STK32B: variants seen among roughly 807,000 people sequenced by gnomAD.
The protein encoded by STK32B is serine/threonine-protein kinase 32B.
In STK32B, 43 loss-of-function variants were observed where a neutral mutation model predicts 52.6. The observed-to-expected ratio is 0.82, with a 90% CI of 0.64 to 1.05. The LOEUF (loss-of-function observed/expected upper bound fraction) is 1.05, where lower values mean the gene tolerates loss of function less well. Among genes scored for constraint, STK32B ranks in the 50% least tolerant of loss-of-function variants. The probability of loss-of-function intolerance (pLI) is 0.00; values close to 1 mark genes in which losing one functional copy is unlikely to be tolerated. For synonymous variants in STK32B, 238 were observed against 204.3 expected (o/e 1.17, Z -1.41); for missense variants, 621 against 534.6 (o/e 1.16, Z -1.59).
intron 6 of STK32B, among the ~76,000 whole-genome samples, chr4:5,428,184 G>T (rs1301458724): frequency 6.6e-6 from 1 of 152,024 alleles, no homozygotes; most frequent in African/African-American, 2.4e-5. Context: ...GACGCGGGCG[G>T]ATCACAAGGT....
At chr4:5,397,391 G>C (rs1736988446) in intron 4 of STK32B, among the ~76,000 whole-genome samples, 1 of 152,144 alleles carries the variant, frequency 6.6e-6, no homozygotes, top group Non-Finnish European at 1.5e-5. Flanking sequence ...CGCTGTGCTA[G>C]GTACAGGCAT....
chr4:5,183,645 C>T (rs116590980), intron 3 of STK32B, among the ~76,000 whole-genome samples: 1 of 152,252 alleles, frequency 6.6e-6, no homozygotes, highest in African/African-American at 2.4e-5. Context: ...TTAAGTTCGC[C>T]TCCTTATTTA....
intron 1 of STK32B, among the ~76,000 whole-genome samples, chr4:5,076,277 A>G (rs10031388): frequency 0.016 from 2,474 of 152,304 alleles, 72 homozygotes; most frequent in African/African-American, 0.055. Flanking sequence ...AATCTACCAT[A>G]ATAATAAATT....
chr4:5,035,630 G>T, the STK32B span, among the ~76,000 whole-genome samples: 5 of 152,194 alleles, frequency 3.3e-5, no homozygotes, highest in African/African-American at 1.2e-4. Flanking sequence ...AGGAGACGGT[G>T]GAGACTGACA....
intron 3 of STK32B, among the ~76,000 whole-genome samples, chr4:5,297,970 T>C (rs1729314391): frequency 7.0e-6 from 1 of 142,514 alleles, no homozygotes; most frequent in South Asian, 2.1e-4. Flanking sequence ...GGCTTTTGCA[T>C]GGGCATCCTT....
At chr4:5,407,059 T>C (rs1017203033) in intron 5 of STK32B, among the ~76,000 whole-genome samples, 6 of 152,260 alleles carry the variant, frequency 3.9e-5, no homozygotes, top group Non-Finnish European at 8.8e-5. Context: ...AATATAAACA[T>C]AGGCTGTTAG....
intron 11 of STK32B, among the ~76,000 whole-genome samples, chr4:5,498,239 G>A (rs1462503013): frequency 2.6e-5 from 4 of 152,258 alleles, no homozygotes; most frequent in East Asian, 1.9e-4. Flanking sequence ...GTGGTATAGC[G>A]AATGAACTTT....
chr4:5,370,906 G>A (rs1024571854), intron 4 of STK32B, among the ~76,000 whole-genome samples: 4 of 151,830 alleles, frequency 2.6e-5, no homozygotes, highest in African/African-American at 7.3e-5. Context: ...CTAGGAGGTC[G>A]AGGCTACAGT....
chr4:5,203,889 C>T (rs1206450153), intron 3 of STK32B, among the ~76,000 whole-genome samples: 1 of 152,210 alleles, frequency 6.6e-6, no homozygotes, highest in Non-Finnish European at 1.5e-5. Flanking sequence ...CACACCCCTC[C>T]CAGGTGGCCC....
At chr4:5,187,626 G>C (rs981901477) in intron 3 of STK32B, among the ~76,000 whole-genome samples, 8 of 150,202 alleles carry the variant, frequency 5.3e-5, no homozygotes, top group South Asian at 4.3e-4. Context: ...GGCGGGGGAG[G>C]GGGGGGACAA....
intron 4 of STK32B, among the ~76,000 whole-genome samples, chr4:5,376,951 G>A (rs1451024188): frequency 6.6e-6 from 1 of 152,010 alleles, no homozygotes; most frequent in Non-Finnish European, 1.5e-5. Context: ...CTCTGCCCCT[G>A]CTTCAATTTC....
chr4:5,344,492 C>T (rs941429538), intron 4 of STK32B, among the ~76,000 whole-genome samples: 42 of 152,166 alleles, frequency 2.8e-4, no homozygotes, highest in African/African-American at 9.9e-4. Context: ...TCATCAGACT[C>T]ACAGTCTTCT....
chr4:5,246,574 G>T (rs1029872089), intron 3 of STK32B, among the ~76,000 whole-genome samples: 1 of 152,122 alleles, frequency 6.6e-6, no homozygotes, highest in Admixed American at 6.5e-5. Flanking sequence ...CTCTCAACTT[G>T]TCATAGTCAT....
At chr4:5,137,220 A>C (rs970106329) in intron 1 of STK32B, among the ~76,000 whole-genome samples, 1 of 152,178 alleles carries the variant, frequency 6.6e-6, no homozygotes, top group Non-Finnish European at 1.5e-5. Flanking sequence ...CTAATGCTGA[A>C]GCCTAGAATT....
At chr4:5,123,759 A>T (rs937514718) in intron 1 of STK32B, among the ~76,000 whole-genome samples, 2 of 152,082 alleles carry the variant, frequency 1.3e-5, no homozygotes, top group Non-Finnish European at 2.9e-5. Context: ...CACATAAGCA[A>T]ATCCAGTCAC....
chr4:5,087,458 T>C (rs13140237), intron 1 of STK32B, among the ~76,000 whole-genome samples: 65,015 of 151,760 alleles, frequency 0.43, 14,238 homozygotes, highest in Non-Finnish European at 0.47. Context: ...ACAGTAGTTA[T>C]ATTAAATGTA....
intron 4 of STK32B, among the ~76,000 whole-genome samples, chr4:5,382,055 A>G (rs1238771496): frequency 1.3e-5 from 2 of 152,204 alleles, no homozygotes; most frequent in East Asian, 3.9e-4. Context: ...TGCTTGCGAG[A>G]GGCCAGTTTC....
At chr4:5,452,344 A>C (rs1296313731) in intron 7 of STK32B, among the ~76,000 whole-genome samples, 1 of 152,006 alleles carries the variant, frequency 6.6e-6, no homozygotes, top group Non-Finnish European at 1.5e-5. Context: ...CGCTGGATGT[A>C]CAAGGCGTGG....
intron 4 of STK32B, among the ~76,000 whole-genome samples, chr4:5,337,372 G>C (rs1362434818): frequency 1.3e-5 from 2 of 151,982 alleles, no homozygotes; most frequent in Non-Finnish European, 2.9e-5. Context: ...CCCAGTTCCA[G>C]GTCTCAAAAA....
Sources: gnomAD v4.1 joint callset for allele counts (sites outside exome capture counted in the v4.1 genomes callset) on GRCh38, gnomAD v4.1.1 for gene constraint, MANE v1.5 for transcripts, NCBI Gene and HGNC (gene_info 2026-07-23, HGNC 2026-07-21) for gene names.